Variants in TMEM117 observed in about 807,000 individuals in gnomAD.
The protein encoded by TMEM117 is transmembrane protein 117.
TMEM117 carries 27 observed loss-of-function variants against 52.4 expected under a neutral mutation model. That is an observed-to-expected ratio of 0.51 (90% CI 0.38 to 0.71). TMEM117 has a LOEUF of 0.71. TMEM117 is among the 30% of genes least tolerant of loss of function. The probability of loss-of-function intolerance (pLI) is 0.00; values close to 1 mark genes in which losing one functional copy is unlikely to be tolerated. For synonymous variants in TMEM117, 215 were observed against 206.3 expected (o/e 1.04, Z -0.36); for missense variants, 556 against 630.5 (o/e 0.88, Z 1.26).
chr12:44,093,743 C>T (rs993235034), intron 3 of TMEM117, among the ~76,000 whole-genome samples: 1 of 152,018 alleles, frequency 6.6e-6, no homozygotes, highest in African/African-American at 2.4e-5. Flanking sequence ...GAGACAGAAT[C>T]ATCTAAGGGA....
chr12:44,054,003 G>A (rs372644056), intron 3 of TMEM117, among the ~76,000 whole-genome samples: 2 of 152,272 alleles, frequency 1.3e-5, no homozygotes, highest in East Asian at 3.9e-4. Flanking sequence ...TTTGCACCAG[G>A]TTAGGTAATT....
chr12:44,134,328 C>T (rs1165676893), intron 3 of TMEM117, among the ~76,000 whole-genome samples: 2 of 152,282 alleles, frequency 1.3e-5, no homozygotes, highest in South Asian at 2.1e-4. Flanking sequence ...AGCAATCCTC[C>T]TAGCTCAGTC....
chr12:44,049,134 A>G (rs970244551), intron 3 of TMEM117, among the ~76,000 whole-genome samples: 3 of 152,158 alleles, frequency 2.0e-5, no homozygotes, highest in Non-Finnish European at 2.9e-5. Flanking sequence ...CTGCAGCACT[A>G]TTTACATTAG....
At chr12:44,310,470 C>T (rs1296790463) in intron 6 of TMEM117, among the ~76,000 whole-genome samples, 7 of 152,178 alleles carry the variant, frequency 4.6e-5, no homozygotes, top group Non-Finnish European at 1.0e-4. Flanking sequence ...GAAACCCCAT[C>T]TCTACTAAAA....
At chr12:43,980,009 A>G (rs1238843537) in intron 3 of TMEM117, among the ~76,000 whole-genome samples, 2 of 152,202 alleles carry the variant, frequency 1.3e-5, no homozygotes, top group African/African-American at 4.8e-5. Flanking sequence ...AAATGGGTTC[A>G]TAGAACTGAT....
chr12:44,042,761 TAC>T (rs61350418), intron 3 of TMEM117, among the ~76,000 whole-genome samples: 21,226 of 131,716 alleles, frequency 0.16, 1,735 homozygotes, highest in Non-Finnish European at 0.2. Context: ...CTTAATAAAC[TAC>T]ACACACACAC....
intron 7 of TMEM117, among the ~76,000 whole-genome samples, chr12:44,384,433 G>C (rs1952061162): frequency 6.6e-6 from 1 of 151,986 alleles, no homozygotes; most frequent in Admixed American, 6.6e-5. Context: ...CCCCCACATG[G>C]CCTCTCTTCT....
intron 2 of TMEM117, among the ~76,000 whole-genome samples, chr12:43,917,815 A>T (rs1944630407): frequency 6.6e-6 from 1 of 152,124 alleles, no homozygotes; most frequent in Non-Finnish European, 1.5e-5. Flanking sequence ...TGGGAGCTGG[A>T]GTGAGTGACC....
intron 3 of TMEM117, among the ~76,000 whole-genome samples, chr12:44,098,864 C>A (rs1011650924): frequency 2.7e-4 from 41 of 152,074 alleles, no homozygotes; most frequent in African/African-American, 8.9e-4. Flanking sequence ...GGAATAGGTA[C>A]ATTTATCTTT....
At chr12:43,914,629 G>A (rs1012716939) in intron 2 of TMEM117, among the ~76,000 whole-genome samples, 9 of 152,096 alleles carry the variant, frequency 5.9e-5, no homozygotes, top group Non-Finnish European at 1.2e-4. Flanking sequence ...TGACTGATAC[G>A]TCTGCATATA....
At chr12:43,834,343 A>C (rs1219821468), upstream of TMEM117, among the ~76,000 whole-genome samples, 1 of 152,234 alleles carries the variant, frequency 6.6e-6, no homozygotes, top group Non-Finnish European at 1.5e-5. Context: ...ATGTGGAATT[A>C]ATCCACTATC....
intron 4 of TMEM117, among the ~76,000 whole-genome samples, chr12:44,166,606 G>A (rs1948971103): frequency 6.6e-6 from 1 of 152,054 alleles, no homozygotes; most frequent in Admixed American, 6.6e-5. Context: ...GTTTCTAAGT[G>A]GACAAATAAA....
rs532353798 is a variant in TMEM117 at position 44,084,467 on chromosome 12, T to G, written c.411-59058T>G. On this transcript the variant is annotated intron_variant, in intron 3 of 7. Transcript: ENST00000266534. ...CATTATACTAATTATTTTAATTATT[T>G]AAAATACAACTTTAAAATCCAATTG... is the stretch of plus-strand genomic sequence containing the variant. Among the ~76,000 whole-genome samples the G allele has an allele frequency of 6.6e-5, 10 of 152,318 alleles. No individual in the cohort carries two copies. In the South Asian group the frequency reaches 2.1e-3, roughly 32 times the overall value.
At chr12:43,890,617 C>T (rs545279137) in intron 2 of TMEM117, among the ~76,000 whole-genome samples, 28 of 152,084 alleles carry the variant, frequency 1.8e-4, no homozygotes, top group African/African-American at 5.5e-4. Flanking sequence ...CTGCAACCTC[C>T]GCCTCCTGGG....
At chr12:44,165,572 G>A (rs1384298442) in intron 4 of TMEM117, among the ~76,000 whole-genome samples, 1 of 152,138 alleles carries the variant, frequency 6.6e-6, no homozygotes, top group Non-Finnish European at 1.5e-5. Context: ...ACTGACGGGA[G>A]TAGCTATACT....
intron 6 of TMEM117, among the ~76,000 whole-genome samples, chr12:44,367,502 A>G (rs77860315): frequency 0.013 from 2,047 of 152,038 alleles, 38 homozygotes; most frequent in African/African-American, 0.047. Context: ...AGTCTTCTTT[A>G]TGGGATTCTC....
At chr12:44,343,590 G>T (rs1307464044) in intron 6 of TMEM117, among the ~76,000 whole-genome samples, 2 of 152,010 alleles carry the variant, frequency 1.3e-5, no homozygotes, top group Non-Finnish European at 2.9e-5. Flanking sequence ...CTTGTTTAAT[G>T]GGTATGAAGT....
intron 5 of TMEM117, among the ~76,000 whole-genome samples, chr12:44,233,936 C>G (rs1949962897): frequency 6.6e-6 from 1 of 151,360 alleles, no homozygotes; most frequent in South Asian, 2.1e-4. Context: ...ATTAAAATAA[C>G]CTACATAATC....
intron 3 of TMEM117, among the ~76,000 whole-genome samples, chr12:43,972,369 G>A (rs1320838537): frequency 6.6e-6 from 1 of 152,176 alleles, no homozygotes; most frequent in East Asian, 1.9e-4. Flanking sequence ...ATGAAGCCGT[G>A]GACCTTTGCG....
Sources: gnomAD v4.1 joint callset for allele counts (sites outside exome capture counted in the v4.1 genomes callset) on GRCh38, gnomAD v4.1.1 for gene constraint, MANE v1.5 for transcripts, NCBI Gene and HGNC (gene_info 2026-07-23, HGNC 2026-07-21) for gene names.